The following TUBGCP3 variants were observed in gnomAD, a reference collection of about 807,000 sequenced individuals.
TUBGCP3 encodes tubulin gamma complex component 3, also known as gamma-tubulin complex component 3.
In TUBGCP3, 50 loss-of-function variants were observed where a neutral mutation model predicts 123.1. The ratio of observed to expected loss-of-function variants is 0.41; its 90% CI spans 0.32 to 0.51. TUBGCP3 has a LOEUF of 0.51. TUBGCP3 is among the 20% of genes least tolerant of loss of function. The pLI is 0.36. For synonymous variants in TUBGCP3, 405 were observed against 413.9 expected (o/e 0.98, Z 0.26); for missense variants, 882 against 1,127.0 (o/e 0.78, Z 3.11).
In TUBGCP3 at chr13:112,587,925, C is replaced by T. The variant is rs200427300; in HGVS notation, c.56G>A (p.Arg19Lys). The T allele has an allele frequency of 5.5e-5, 87 of 1,594,568 alleles. No homozygotes were observed. Among genetic ancestry groups the T allele is most frequent in the Non-Finnish European group, 3.2e-5 (37 of 1,172,164 alleles). ...PNVLLQNLCC[R>K]ILGRSEADVA... is the part of the protein sequence containing the mutation. ...TCTACCTTCGCTCCTGCCCAGGATC[C>T]TGCAGCACAGGTTCTGCAGCAGAAC... is the stretch of plus-strand genomic sequence containing the variant. Residue 19 changes from arginine to lysine, a missense_variant, in exon 1 of 22, where the codon AGG becomes AAG. By Grantham distance (26) the Arg-to-Lys change is conservative. Transcript: ENST00000261965.
intron 19 of TUBGCP3, 91 bp downstream of exon 19, chr13:112,503,941 G>A: frequency 3.5e-6 from 5 of 1,444,816 alleles, no homozygotes; most frequent in Non-Finnish European, 4.7e-6. Context: ...GGCTGCATCA[G>A]GGCATTTCTA....
intron 17 of TUBGCP3, 102 bp downstream of exon 17, chr13:112,516,338 T>G: frequency 1.7e-3 from 2,114 of 1,239,308 alleles, no homozygotes; most frequent in Non-Finnish European, 2.1e-3. Context: ...GCTGTCACCG[T>G]GAGTCTACCT....
At chr13:112,578,092 C>T (rs1029158872) in intron 1 of TUBGCP3, among the ~76,000 whole-genome samples, 1 of 152,084 alleles carries the variant, frequency 6.6e-6, no homozygotes, top group African/African-American at 2.4e-5. Context: ...GCCTTTGGAA[C>T]GCCAATCTGT....
At chr13:112,548,470 AGAT>A (rs1161219533) in intron 8 of TUBGCP3, among the ~76,000 whole-genome samples, 1 of 152,188 alleles carries the variant, frequency 6.6e-6, no homozygotes, top group East Asian at 1.9e-4. Flanking sequence ...TGATCCTTTA[AGAT>A]GATATCCCCT....
At position 112,504,778 on chromosome 13, in the gene TUBGCP3, T is replaced by G. The variant is rs550768685; in HGVS notation, c.2087-64A>C. 8.4e-6 allele frequency: 11 copies of G among 1,315,670 alleles called. No individual in the cohort carries two copies. In the South Asian group the frequency reaches 1.2e-4, roughly 15 times the overall value. 81.5% of individuals were successfully genotyped at this position (1,315,670 alleles called of 1,614,324 possible). Reference sequence around the variant, plus strand: ...TACACTTACCGACAACGCGCTGTTCTCCCTTACCCACCTGCAAGCTATCTT... The same window carrying G: ...TACACTTACCGACAACGCGCTGTTCGCCCTTACCCACCTGCAAGCTATCTT... On this transcript the variant is annotated intron_variant, in intron 17 of 21. Transcript: ENST00000261965.
chr13:112,500,802 T>C (rs1301527998), intron 19 of TUBGCP3, among the ~76,000 whole-genome samples: 4 of 152,264 alleles, frequency 2.6e-5, no homozygotes, highest in Non-Finnish European at 2.9e-5. Flanking sequence ...TCATCACCCA[T>C]TGTCTAATGG....
At chr13:112,552,384 C>G (rs1047553494) in intron 8 of TUBGCP3, among the ~76,000 whole-genome samples, 2 of 152,236 alleles carry the variant, frequency 1.3e-5, no homozygotes, top group African/African-American at 4.8e-5. Flanking sequence ...AAAATTACAG[C>G]TGGCTCCTGA....
intron 20 of TUBGCP3, among the ~76,000 whole-genome samples, chr13:112,498,043 CACAT>C (rs1458130200): frequency 6.6e-6 from 1 of 152,184 alleles, no homozygotes; most frequent in African/African-American, 2.4e-5. Flanking sequence ...CACACACACA[CACAT>C]GCATGTACCT....
the TUBGCP3 span, among the ~76,000 whole-genome samples, chr13:112,599,696 T>A: frequency 6.6e-6 from 1 of 152,046 alleles, no homozygotes; most frequent in Non-Finnish European, 1.5e-5. Context: ...TTTATTTTTT[T>A]TTTTAGTAGA....
At chr13:112,585,179 T>C (rs1336724444) in intron 1 of TUBGCP3, among the ~76,000 whole-genome samples, 1 of 152,250 alleles carries the variant, frequency 6.6e-6, no homozygotes, top group Non-Finnish European at 1.5e-5. Context: ...TAAGGCCAAT[T>C]GTAATATGTC....
chr13:112,572,842 A>C (rs1881520553), intron 1 of TUBGCP3, among the ~76,000 whole-genome samples: 1 of 152,208 alleles, frequency 6.6e-6, no homozygotes, highest in Non-Finnish European at 1.5e-5. Flanking sequence ...ATACAAAGTG[A>C]GCACATGCTG....
chr13:112,501,057 G>A (rs931095320), intron 19 of TUBGCP3, among the ~76,000 whole-genome samples: 1 of 152,152 alleles, frequency 6.6e-6, no homozygotes, highest in African/African-American at 2.4e-5. Flanking sequence ...TATGCAACCA[G>A]GTCTTCAGAT....
At chr13:112,495,156 T>C (rs760262581) in intron 20 of TUBGCP3, among the ~76,000 whole-genome samples, 1 of 152,226 alleles carries the variant, frequency 6.6e-6, no homozygotes, top group Non-Finnish European at 1.5e-5. Flanking sequence ...GTCCTAGAGT[T>C]TCCCCCCAGT....
intron 1 of TUBGCP3, among the ~76,000 whole-genome samples, chr13:112,577,787 T>C (rs1383199153): frequency 6.6e-6 from 1 of 152,210 alleles, no homozygotes; most frequent in African/African-American, 2.4e-5. Context: ...CAAGACTCAC[T>C]TTTCACAAAT....
At chr13:112,573,143 G>A (rs1044113082) in intron 1 of TUBGCP3, among the ~76,000 whole-genome samples, 2 of 151,256 alleles carry the variant, frequency 1.3e-5, no homozygotes, top group African/African-American at 2.4e-5. Flanking sequence ...TAGGGAATAA[G>A]AAAATGGGGG....
rs1197046505 is a variant in TUBGCP3, at chr13:112,545,469, G to A, written c.1335+230C>T. 2.1e-6 allele frequency: 1 copy of A among 475,238 alleles called. No homozygotes were observed. Among genetic ancestry groups the A allele is most frequent in the African/African-American group, 1.9e-5 (1 of 52,140 alleles). 29.4% of individuals were successfully genotyped at this position (475,238 alleles called of 1,614,324 possible). On this transcript the variant is annotated intron_variant, in intron 11 of 21. Transcript: ENST00000261965. This position sits in a 1 kb window ranked among gnomAD's most constrained non-coding sequence, Gnocchi z 4.1. The stretch of plus-strand genomic sequence containing the variant: ...CGGACGAGTGATTCCACCTTGCTGA[G>A]GAATAAACTGGGACAATTCTCCACT...
chr13:112,520,601 TA>T (rs1353104963), intron 14 of TUBGCP3, among the ~76,000 whole-genome samples: 1 of 152,188 alleles, frequency 6.6e-6, no homozygotes, highest in Admixed American at 6.5e-5. Flanking sequence ...CTATACATGT[TA>T]ACAAAGTTTT....
intron 11 of TUBGCP3, among the ~76,000 whole-genome samples, chr13:112,528,946 A>G (rs1877348151): frequency 6.6e-6 from 1 of 151,880 alleles, no homozygotes; most frequent in Non-Finnish European, 1.5e-5. Flanking sequence ...CTGCCTCCCC[A>G]GCTCAAGCCA....
chr13:112,558,793 G>C (rs1212838456), intron 4 of TUBGCP3, among the ~76,000 whole-genome samples: 2 of 152,164 alleles, frequency 1.3e-5, no homozygotes, highest in Non-Finnish European at 2.9e-5. Flanking sequence ...TTTAGCAATA[G>C]ACAGAACTCT....
Sources: allele counts gnomAD v4.1 joint callset (sites outside exome capture counted in the v4.1 genomes callset), GRCh38; gene constraint gnomAD v4.1.1; non-coding constraint Gnocchi (gnomAD v3.1); transcripts MANE v1.5; gene names NCBI Gene and HGNC (gene_info 2026-07-23, HGNC 2026-07-21).